The following POLK variants were observed in gnomAD, a reference collection of about 807,000 sequenced individuals.
POLK encodes the protein DNA polymerase kappa, also known as polymerase (DNA directed) kappa.
A neutral mutation model predicts 94.0 loss-of-function variants in POLK; 76 were observed. The ratio of observed to expected loss-of-function variants is 0.81; its 90% CI spans 0.67 to 0.98. POLK has a LOEUF of 0.98. Ranked by LOEUF, POLK falls within the 50% of genes least tolerant of loss-of-function variation. The pLI is 0.00. For missense variants in POLK, 954 were observed against 1,010.1 expected, an observed-to-expected ratio of 0.94 and a Z score of 0.75; for synonymous variants, 349 against 325.4, an observed-to-expected ratio of 1.07 and a Z score of -0.78.
intron 7 of POLK, chr5:75,583,057 G>A (rs1168508715): frequency 1.9e-5 from 6 of 310,690 alleles, no homozygotes; most frequent in Non-Finnish European, 2.3e-5. Flanking sequence ...AAATGTCATG[G>A]AGAATTAAAT....
At chr5:75,545,603 T>C (rs1176911225) in intron 1 of POLK, among the ~76,000 whole-genome samples, 1 of 152,226 alleles carries the variant, frequency 6.6e-6, no homozygotes, top group Non-Finnish European at 1.5e-5. Context: ...ATAAAGATAT[T>C]AAATAATTAT....
rs1170608353 is a variant in POLK, at chr5:75,598,522, C to T, written c.*504C>T. 2.0e-5 allele frequency: 3 copies of T among 152,518 alleles called. No individual in the cohort carries two copies. The East Asian group carries it at 5.8e-4, about 29-fold the overall frequency. 9.4% of individuals were successfully genotyped at this position (152,518 alleles called of 1,614,324 possible). On this transcript the variant is annotated 3_prime_UTR_variant, in exon 15 of 15. Coordinates refer to ENST00000241436, the Ensembl canonical transcript of POLK. ...GTTTTCTTCAGGAAAATAAATATCA[C>T]AGTATTATCTGTGTTAAAATGGTTT... is the stretch of plus-strand genomic sequence containing the variant.
At chr5:75,557,019 C>T (rs1263021860) in intron 3 of POLK, among the ~76,000 whole-genome samples, 1 of 152,118 alleles carries the variant, frequency 6.6e-6, no homozygotes, top group African/African-American at 2.4e-5. Flanking sequence ...GCTGTGATTG[C>T]ACCACTGCAC....
At chr5:75,569,586 C>A in intron 4 of POLK, 94 bp downstream of exon 4, 2 of 1,068,530 alleles carry the variant, frequency 1.9e-6, no homozygotes, top group Non-Finnish European at 1.4e-6. Context: ...TGAGGTCTAC[C>A]AGTTTGCTGA....
intron 1 of POLK, among the ~76,000 whole-genome samples, chr5:75,517,987 C>T (rs1768397018): frequency 6.6e-6 from 1 of 152,022 alleles, no homozygotes; most frequent in Admixed American, 6.6e-5. Flanking sequence ...TGGATGAATC[C>T]CACTTGATCA....
chr5:75,576,916 G>A, exon 6 of POLK: 2 of 1,559,718 alleles, frequency 1.3e-6, no homozygotes, highest in South Asian at 1.2e-5. Flanking sequence ...ATCAAAATGG[G>A]AAGCTCTGTA....
chr5:75,525,366 T>C (rs558489233), intron 1 of POLK, among the ~76,000 whole-genome samples: 1 of 152,180 alleles, frequency 6.6e-6, no homozygotes, highest in South Asian at 2.1e-4. Context: ...AAATACAATA[T>C]CTGAAATCAA....
chr5:75,592,442 G>A (rs746062756), intron 11 of POLK, among the ~76,000 whole-genome samples: 2 of 152,124 alleles, frequency 1.3e-5, no homozygotes, highest in Non-Finnish European at 2.9e-5. Flanking sequence ...GGCCAGGCAC[G>A]GTGGCTCATT....
At chr5:75,511,234 C>T, upstream of POLK, 1 of 1,610,360 alleles carries the variant, frequency 6.2e-7, no homozygotes, top group East Asian at 2.2e-5. Flanking sequence ...AGCAGGAGAC[C>T]GGCCCCCGCT....
rs1772640229 is a variant in POLK at position 75,589,380 on chromosome 5, TACACACATACACACACACACACACACAC to T, written c.1260-956_1260-929del. Among the ~76,000 whole-genome samples, 6 of 67,794 alleles carry T rather than the reference TACACACATACACACACACACACACACAC, an allele frequency of 8.9e-5. No individual in the cohort carries two copies. In the Admixed American group the frequency reaches 1.1e-3, roughly 12 times the overall value. The allele number at this position is 67,794 out of a possible 152,430, so 44.5% of individuals were successfully genotyped here. A position where few individuals can be genotyped will look rare whatever the true frequency, so the allele number is the denominator to read the frequency against. ...TTCTTGTTTGCTTATTTTATATATA[TACACACATACACACACACACACACACAC>T]ACACACACACACACACACACACACA... On this transcript the variant is annotated intron_variant, in intron 10 of 14. Transcript: ENST00000241436.
At chr5:75,576,843 T>C (rs371468039) in exon 6 of POLK, 1 of 1,565,148 alleles carries the variant, frequency 6.4e-7, no homozygotes, top group South Asian at 1.2e-5. Context: ...TGAAGCCTAC[T>C]TGAATATAAC....
chr5:75,599,277 C>G (rs1773235029), exon 15 of POLK: 1 of 151,980 alleles, frequency 6.6e-6, no homozygotes, highest in Non-Finnish European at 1.5e-5. Context: ...TATTTAATTG[C>G]AACATGAAGT....
At chr5:75,514,893 A>T (rs947740878) in intron 1 of POLK, among the ~76,000 whole-genome samples, 1 of 152,170 alleles carries the variant, frequency 6.6e-6, no homozygotes, top group Non-Finnish European at 1.5e-5. Context: ...AAAAACTATT[A>T]TCCCAAATTT....
chr5:75,513,609 A>C lies in POLK; in HGVS notation c.-14+1695A>C, dbSNP rs1768178228. ...ATGAGAGCCAGGCTAGGAATGTTTC[A>C]AGCAGAAATATTCTTACTATTCAAT... On this transcript the variant is annotated intron_variant, in intron 1 of 14. Transcript: ENST00000241436. Among the ~76,000 whole-genome samples, 5 of 152,208 alleles carry C rather than the reference A, an allele frequency of 3.3e-5. No homozygotes were observed. The South Asian group carries it at 1.0e-3, about 32-fold the overall frequency.
intron 2 of POLK, among the ~76,000 whole-genome samples, chr5:75,549,858 A>G (rs1770248162): frequency 6.6e-6 from 1 of 152,110 alleles, no homozygotes; most frequent in Non-Finnish European, 1.5e-5. Flanking sequence ...TTTTGGAGGG[A>G]GGAGTATTTT....
chr5:75,584,033 G>A (rs958854272), intron 8 of POLK, among the ~76,000 whole-genome samples: 5 of 152,116 alleles, frequency 3.3e-5, no homozygotes, highest in Non-Finnish European at 7.4e-5. Context: ...TGCTCAGTAT[G>A]TAATATGTAA....
At chr5:75,576,907 T>A in exon 6 of POLK, 3 of 1,567,260 alleles carry the variant, frequency 1.9e-6, no homozygotes, top group Non-Finnish European at 2.6e-6. Flanking sequence ...AGGTATTTCA[T>A]CAAAATGGGA....
exon 1 of POLK, chr5:75,511,914 G>C: frequency 1.6e-6 from 2 of 1,258,922 alleles, no homozygotes; most frequent in Non-Finnish European, 1.1e-6. Context: ...TGAGGTAACG[G>C]GTGAGTATCC....
At chr5:75,523,662 T>G (rs1768693145) in intron 1 of POLK, among the ~76,000 whole-genome samples, 2 of 152,330 alleles carry the variant, frequency 1.3e-5, no homozygotes, top group South Asian at 4.1e-4. Flanking sequence ...TAGGTTATAT[T>G]CTTGAAAGAA....
Sources: allele counts gnomAD v4.1 joint callset (sites outside exome capture counted in the v4.1 genomes callset), GRCh38; gene constraint gnomAD v4.1.1; transcripts MANE v1.5; gene names NCBI Gene and HGNC (gene_info 2026-07-23, HGNC 2026-07-21).